CYYR1: variants seen among roughly 807,000 people sequenced by gnomAD.
The protein encoded by CYYR1 is cysteine and tyrosine rich 1, also known as cysteine and tyrosine-rich protein 1.
Under a neutral mutation model 15.2 loss-of-function variants are expected in CYYR1, and 14 were observed. The ratio of observed to expected loss-of-function variants is 0.92; its 90% CI spans 0.61 to 1.44. The LOEUF is 1.44. CYYR1 is among the 40% of genes most tolerant of loss of function. The pLI, the probability that CYYR1 is intolerant of heterozygous loss-of-function variation, is 0.00. For missense variants in CYYR1, 228 were observed against 209.5 expected (o/e 1.09, Z -0.54); for synonymous variants, 80 against 77.4 (o/e 1.03, Z -0.18).
chr21:26,525,177 C>T (rs1239042450), intron 2 of CYYR1, among the ~76,000 whole-genome samples: 1 of 152,170 alleles, frequency 6.6e-6, no homozygotes, highest in Non-Finnish European at 1.5e-5. Flanking sequence ...CCTCCTCTTT[C>T]TTCTCTTCCC....
At chr21:26,481,534 C>A (rs941023800) in intron 2 of CYYR1, among the ~76,000 whole-genome samples, 1 of 152,068 alleles carries the variant, frequency 6.6e-6, no homozygotes, top group African/African-American at 2.4e-5. Flanking sequence ...CCAGCACCAT[C>A]CATGTGCCTG....
intron 2 of CYYR1, among the ~76,000 whole-genome samples, chr21:26,505,839 G>A (rs1037262171): frequency 3.9e-5 from 6 of 152,300 alleles, no homozygotes; most frequent in East Asian, 1.9e-4. Context: ...TCGTAAGCGC[G>A]AGAGAAGAAA....
intron 2 of CYYR1, among the ~76,000 whole-genome samples, chr21:26,517,924 C>T (rs140214120): frequency 0.01 from 1,594 of 152,254 alleles, 19 homozygotes; most frequent in African/African-American, 0.036. Context: ...ACAGGTATTT[C>T]TTGGGGGACC....
At chr21:26,558,435 T>A (rs1979959292) in intron 2 of CYYR1, among the ~76,000 whole-genome samples, 1 of 152,150 alleles carries the variant, frequency 6.6e-6, no homozygotes, top group African/African-American at 2.4e-5. Context: ...TCCTCCCACC[T>A]CAGCCTCCCG....
intron 3 of CYYR1, among the ~76,000 whole-genome samples, chr21:26,468,863 A>G (rs182463294): frequency 1.2e-4 from 18 of 152,294 alleles, no homozygotes; most frequent in African/African-American, 4.3e-4. Flanking sequence ...TCTTGAAAAT[A>G]TGATGCTGAA....
intron 2 of CYYR1, among the ~76,000 whole-genome samples, chr21:26,492,716 C>CA (rs11406434): frequency 0.8 from 119,388 of 149,466 alleles, 48,643 homozygotes; most frequent in Non-Finnish European, 0.89. Context: ...GATCATATTT[C>CA]AAAAAAAAAA....
chr21:26,533,161 TTATTTAC>T (rs2065953581), intron 2 of CYYR1, among the ~76,000 whole-genome samples: 1 of 128,790 alleles, frequency 7.8e-6, no homozygotes, highest in African/African-American at 3.4e-5. Context: ...GTAGTAAATA[TTATTTAC>T]TATTTACTAT....
chr21:26,483,521 C>A (rs529191253), intron 2 of CYYR1: 1 of 654,176 alleles, frequency 1.5e-6, no homozygotes, highest in Admixed American at 6.3e-5. Flanking sequence ...GACCATAGAT[C>A]TTTTCCTTGG....
At chr21:26,532,783 T>G (rs1191094670) in intron 2 of CYYR1, among the ~76,000 whole-genome samples, 2 of 152,152 alleles carry the variant, frequency 1.3e-5, no homozygotes, top group African/African-American at 4.8e-5. Flanking sequence ...GAGTCAGAAA[T>G]GATGGTGATG....
intron 2 of CYYR1, among the ~76,000 whole-genome samples, chr21:26,546,893 G>T (rs372109731): frequency 1.3e-5 from 2 of 152,082 alleles, no homozygotes; most frequent in African/African-American, 4.8e-5. Context: ...GTGGCTCGAC[G>T]CTGCTTCAGA....
chr21:26,528,611 A>G (rs527420017), intron 2 of CYYR1, among the ~76,000 whole-genome samples: 2 of 152,316 alleles, frequency 1.3e-5, no homozygotes, highest in Admixed American at 1.3e-4. Context: ...CATGAGCCAA[A>G]ATAAATTTCT....
chr21:26,556,332 T>C (rs918917750), intron 2 of CYYR1, among the ~76,000 whole-genome samples: 1 of 152,176 alleles, frequency 6.6e-6, no homozygotes, highest in Non-Finnish European at 1.5e-5. Flanking sequence ...CTTCAATCTA[T>C]TAGGCCCTGT....
chr21:26,552,041 A>T (rs1202122742), intron 2 of CYYR1: 1 of 152,278 alleles, frequency 6.6e-6, no homozygotes, highest in Non-Finnish European at 1.5e-5. Context: ...CATCAGCATC[A>T]AAGCAAGACC....
chr21:26,540,981 G>A (rs768378358), intron 2 of CYYR1, among the ~76,000 whole-genome samples: 3 of 152,068 alleles, frequency 2.0e-5, no homozygotes, highest in Admixed American at 6.6e-5. Flanking sequence ...TAGAAATGAG[G>A]AATAAAATAT....
intron 2 of CYYR1, among the ~76,000 whole-genome samples, chr21:26,557,411 G>C (rs1979866799): frequency 6.6e-6 from 1 of 152,118 alleles, no homozygotes; most frequent in Admixed American, 6.6e-5. Flanking sequence ...ATTCAATTCA[G>C]AATGAACTGA....
In CYYR1 at chr21:26,467,389, T is replaced by G. The variant is rs376931111; in HGVS notation, c.*1112A>C. ...ATCTTAATTGTGTCATTAACTTTTTTAAGAGAACAGATTATCAAAATTTTA... is the reference window on the plus strand; with the variant it reads ...ATCTTAATTGTGTCATTAACTTTTTGAAGAGAACAGATTATCAAAATTTTA... On this transcript the variant is annotated 3_prime_UTR_variant, in exon 4 of 4. Coordinates refer to ENST00000652641, the MANE Select transcript of CYYR1 (RefSeq NM_001320768.2). 26 of 151,132 alleles carry G rather than the reference T, an allele frequency of 1.7e-4. No individual in the cohort carries two copies. The highest frequency in any genetic ancestry group is 6.4e-4 in the African/African-American group (26 of 40,852). 9.4% of individuals were successfully genotyped at this position (151,132 alleles called of 1,614,324 possible).
In CYYR1 at chr21:26,468,642, A is replaced by G. The variant is rs2064997233; in HGVS notation, c.335-8T>C. 2 of 1,585,820 alleles carry G rather than the reference A, an allele frequency of 1.3e-6. No homozygotes were observed. The highest frequency in any genetic ancestry group is 1.7e-6 in the Non-Finnish European group (2 of 1,162,280). Reference sequence around the variant, plus strand: ...CGTAGGGTGGTGGTCCTGCTGAAAAAGAAGGGGAAGAGAACATCAAGGAGT... The same window carrying G: ...CGTAGGGTGGTGGTCCTGCTGAAAAGGAAGGGGAAGAGAACATCAAGGAGT... On this transcript the variant is annotated splice_region_variant and splice_polypyrimidine_tract_variant and intron_variant, in intron 3 of 3. Transcript: ENST00000652641.
intron 2 of CYYR1, among the ~76,000 whole-genome samples, chr21:26,481,712 T>G (rs546475211): frequency 1.3e-5 from 2 of 152,192 alleles, no homozygotes; most frequent in East Asian, 3.9e-4. Flanking sequence ...GTCTTTATGG[T>G]AGAATGCTTC....
At chr21:26,522,389 A>T (rs548522248) in intron 2 of CYYR1, among the ~76,000 whole-genome samples, 46 of 152,274 alleles carry the variant, frequency 3.0e-4, no homozygotes, top group African/African-American at 9.9e-4. Flanking sequence ...AAAATTTTTT[A>T]AAAAAACTTT....
Sources: allele counts gnomAD v4.1 joint callset (sites outside exome capture counted in the v4.1 genomes callset), GRCh38; gene constraint gnomAD v4.1.1; transcripts MANE v1.5; gene names NCBI Gene and HGNC (gene_info 2026-07-23, HGNC 2026-07-21).